HS2ST1: variants seen among roughly 807,000 people sequenced by gnomAD.
HS2ST1 encodes heparan sulfate 2-O-sulfotransferase 1.
In HS2ST1, 18 loss-of-function variants were observed where a neutral mutation model predicts 42.9. That is an observed-to-expected ratio of 0.42 (90% CI 0.29 to 0.62). The LOEUF is 0.62. HS2ST1 is among the 20% of genes least tolerant of loss of function. The pLI is 0.21. For missense variants in HS2ST1, 334 were observed against 433.8 expected, an observed-to-expected ratio of 0.77 and a Z score of 2.04; for synonymous variants, 146 against 152.9, an observed-to-expected ratio of 0.95 and a Z score of 0.33.
chr1:86,918,835 AT>A (rs973173715), intron 1 of HS2ST1, among the ~76,000 whole-genome samples: 1 of 151,548 alleles, frequency 6.6e-6, no homozygotes, highest in African/African-American at 2.4e-5. Context: ...TAGGTTGAAC[AT>A]CTTTACATGT....
rs546736032 is a variant in HS2ST1 at position 86,992,571 on chromosome 1, A to T, written c.124+77411A>T. Among the ~76,000 whole-genome samples the T allele has an allele frequency of 4.0e-4, 61 of 152,258 alleles. 2 individuals carry two copies. In the South Asian group the frequency reaches 0.012, roughly 31 times the overall value. On this transcript the variant is annotated intron_variant, in intron 1 of 6. Coordinates refer to ENST00000370550, the MANE Select transcript of HS2ST1 (RefSeq NM_012262.4). ...GAGACGGGGTTTCTCCATGTTGATC[A>T]GGCTGGTCTCTAACTCCTGACCTCT... is the stretch of plus-strand genomic sequence containing the variant.
At chr1:86,989,570 CTTAT>C (rs1399132511) in intron 1 of HS2ST1, among the ~76,000 whole-genome samples, 3 of 152,250 alleles carry the variant, frequency 2.0e-5, no homozygotes, top group East Asian at 1.9e-4. Flanking sequence ...TTCAGGAGAA[CTTAT>C]TTATTTATTA....
At chr1:87,014,683 G>T (rs1025954643) in intron 1 of HS2ST1, among the ~76,000 whole-genome samples, 1 of 152,102 alleles carries the variant, frequency 6.6e-6, no homozygotes, top group Non-Finnish European at 1.5e-5. Context: ...TATCATAAAA[G>T]ACTCCACAAA....
chr1:87,098,784 T>C (rs941640216), intron 5 of HS2ST1, among the ~76,000 whole-genome samples: 1 of 152,166 alleles, frequency 6.6e-6, no homozygotes, highest in Non-Finnish European at 1.5e-5. Flanking sequence ...TCACCTGTTT[T>C]ATTTTTTATT....
intron 1 of HS2ST1, among the ~76,000 whole-genome samples, chr1:86,947,262 G>T (rs548884040): frequency 6.6e-6 from 1 of 152,370 alleles, no homozygotes; most frequent in South Asian, 2.1e-4. Context: ...AGGACAGGCA[G>T]AAATGTGAGA....
chr1:87,023,924 T>G (rs1650017532), intron 1 of HS2ST1, among the ~76,000 whole-genome samples: 1 of 152,082 alleles, frequency 6.6e-6, no homozygotes, highest in South Asian at 2.1e-4. Flanking sequence ...AAACAACTGA[T>G]GAAGAGCCAT....
chr1:87,011,576 T>A (rs764956603), intron 1 of HS2ST1, among the ~76,000 whole-genome samples: 1 of 152,198 alleles, frequency 6.6e-6, no homozygotes, highest in Non-Finnish European at 1.5e-5. Context: ...CTTGAATGAT[T>A]GATTTTATAA....
Position 87,109,081 on chromosome 1 carries a change from T to G in HS2ST1, c.*4385T>G, listed in dbSNP as rs1276744547. The G allele has an allele frequency of 6.6e-6, 1 of 152,552 alleles. No individual in the cohort carries two copies. Among genetic ancestry groups the G allele is most frequent in the African/African-American group, 2.4e-5 (1 of 41,448 alleles). The allele number at this position is 152,552 out of a possible 1,614,324, so 9.4% of individuals were successfully genotyped here. On this transcript the variant is annotated 3_prime_UTR_variant, in exon 7 of 7. Coordinates refer to ENST00000370550, the MANE Select transcript of HS2ST1 (RefSeq NM_012262.4). The stretch of plus-strand genomic sequence containing the variant: ...CATTTTGTCACATCTGTTGGAGAGA[T>G]AATCACTCCTTTTCCTTAACATTCT...
chr1:86,948,017 T>C (rs1464968072), intron 1 of HS2ST1, among the ~76,000 whole-genome samples: 4 of 152,106 alleles, frequency 2.6e-5, no homozygotes, highest in Admixed American at 2.0e-4. Flanking sequence ...ACTGTTGGGG[T>C]TCTTGCAAAG....
rs1047595625 is a variant in HS2ST1, at chr1:87,105,250, G to C, written c.*554G>C. 6.6e-6 allele frequency: 1 copy of C among 152,600 alleles called. No individual in the cohort carries two copies. The highest frequency in any genetic ancestry group is 2.4e-5 in the African/African-American group (1 of 41,438). 9.5% of individuals were successfully genotyped at this position (152,600 alleles called of 1,614,324 possible). ...TGTAGTTGGATTTGCCCATATTTAT[G>C]TAGGTGGTTTTAATTTTTTAAATGG... On this transcript the variant is annotated 3_prime_UTR_variant, in exon 7 of 7. Transcript: ENST00000370550.
At chr1:87,011,382 A>T (rs544824820) in intron 1 of HS2ST1, among the ~76,000 whole-genome samples, 2 of 152,152 alleles carry the variant, frequency 1.3e-5, no homozygotes, top group South Asian at 4.1e-4. Context: ...AGCTGGGACC[A>T]CAGGTGCACA....
intron 4 of HS2ST1, among the ~76,000 whole-genome samples, chr1:87,094,786 C>G (rs529265235): frequency 1.3e-5 from 2 of 152,210 alleles, no homozygotes; most frequent in African/African-American, 2.4e-5. Context: ...TTCACCCTGA[C>G]TATAATAAGG....
chr1:87,084,350 T>A, intron 3 of HS2ST1, 71 bp downstream of exon 3: 1 of 842,454 alleles, frequency 1.2e-6, no homozygotes, highest in Non-Finnish European at 1.9e-6. Flanking sequence ...ATAAATTCAT[T>A]AAATTGTTAT....
chr1:86,953,508 G>A (rs145378245), intron 1 of HS2ST1, among the ~76,000 whole-genome samples: 3,651 of 152,328 alleles, frequency 0.024, 69 homozygotes, highest in Middle Eastern at 0.048. Flanking sequence ...TGTAATCCCA[G>A]CACTTTGGGA....
intron 1 of HS2ST1, among the ~76,000 whole-genome samples, chr1:86,936,242 C>T (rs1412410449): frequency 6.6e-6 from 1 of 151,728 alleles, no homozygotes; most frequent in Non-Finnish European, 1.5e-5. Flanking sequence ...AATTTTTTCT[C>T]TTCTTTTCAA....
chr1:87,034,936 T>C (rs1026358813), intron 1 of HS2ST1, among the ~76,000 whole-genome samples: 1 of 152,188 alleles, frequency 6.6e-6, no homozygotes, highest in African/African-American at 2.4e-5. Context: ...GTAGTCTCAA[T>C]GTAATTTCAA....
chr1:87,026,934 C>A (rs1650102712), intron 1 of HS2ST1, among the ~76,000 whole-genome samples: 1 of 152,080 alleles, frequency 6.6e-6, no homozygotes, highest in South Asian at 2.1e-4. Context: ...TTAAAGTCAA[C>A]TGGTTTTTCT....
intron 1 of HS2ST1, among the ~76,000 whole-genome samples, chr1:86,915,691 C>A (rs1382153921): frequency 1.3e-5 from 2 of 152,204 alleles, no homozygotes; most frequent in Non-Finnish European, 2.9e-5. Flanking sequence ...TAGCGAGTTG[C>A]ACTCTTGTGC....
intron 1 of HS2ST1, among the ~76,000 whole-genome samples, chr1:87,040,946 G>C (rs981547544): frequency 7.2e-5 from 11 of 151,910 alleles, no homozygotes; most frequent in African/African-American, 2.4e-4. Flanking sequence ...CACTTTTCAG[G>C]GTTATTGAAG....
Sources: gnomAD v4.1 joint callset for allele counts (sites outside exome capture counted in the v4.1 genomes callset) on GRCh38, gnomAD v4.1.1 for gene constraint, MANE v1.5 for transcripts, NCBI Gene and HGNC (gene_info 2026-07-23, HGNC 2026-07-21) for gene names.